NCKAP1L: variants seen among roughly 807,000 people sequenced by gnomAD.
NCKAP1L encodes NCK associated protein 1 like.
A neutral mutation model predicts 139.2 loss-of-function variants in NCKAP1L; 53 were observed. The observed-to-expected ratio is 0.38, with a 90% CI of 0.31 to 0.48. The LOEUF is 0.48. NCKAP1L is among the 20% of genes least tolerant of loss of function. NCKAP1L has a pLI of 0.98. For synonymous variants in NCKAP1L, 468 were observed against 499.7 expected, an observed-to-expected ratio of 0.94 and a Z score of 0.85; for missense variants, 1,151 against 1,381.9, an observed-to-expected ratio of 0.83 and a Z score of 2.65.
intron 28 of NCKAP1L, 79 bp from the exon 29 acceptor site, chr12:54,536,865 T>G (rs1197071753): frequency 2.2e-6 from 2 of 928,196 alleles, no homozygotes; most frequent in Non-Finnish European, 3.4e-6. Context: ...CATGAGAAAT[T>G]ACTAGTTTGG....
At chr12:54,531,458 C>T (rs1957070232) in intron 23 of NCKAP1L, 33 bp from the exon 24 acceptor site, 3 of 1,612,240 alleles carry the variant, frequency 1.9e-6, no homozygotes, top group Non-Finnish European at 2.5e-6. Flanking sequence ...CTCTTCTTTT[C>T]CTGCTTAATG....
chr12:54,528,411 C>A lies in NCKAP1L; in HGVS notation c.2506+34C>A, dbSNP rs1957043209. 3 of 1,605,494 alleles carry A rather than the reference C, an allele frequency of 1.9e-6. No homozygotes were observed. The East Asian group carries it at 6.7e-5, about 36-fold the overall frequency. The stretch of plus-strand genomic sequence containing the variant: ...AGGGCCTGGTCTTCTTGTCAAGGAG[C>A]TGAGCCCTTCCTTCAATGCACAGAG... On this transcript the variant is annotated intron_variant, in intron 22 of 30. Coordinates refer to ENST00000293373, the MANE Select transcript of NCKAP1L (RefSeq NM_005337.5).
In NCKAP1L at chr12:54,523,892, G is replaced by C. The variant is rs967446360; in HGVS notation, c.2092G>C (p.Val698Leu). 8 of 1,614,030 alleles carry C rather than the reference G, an allele frequency of 5.0e-6. No individual in the cohort carries two copies. Among genetic ancestry groups the C allele is most frequent in the Non-Finnish European group, 6.8e-6 (8 of 1,180,002 alleles). The change falls in exon 20 of 31, where the codon GTG becomes CTG. Residue 698 changes from valine to leucine, a missense_variant. Transcript: ENST00000293373. ...AATGAATCATGTATACAGTTTCTCC[G>C]TGTTTGAACATACTATCTTCCCTTC... is the stretch of plus-strand genomic sequence containing the variant. ...LTMNHVYSFSVFEHTIFPSEY... is the reference protein window; with the variant it reads ...LTMNHVYSFSLFEHTIFPSEY...
intron 22 of NCKAP1L, among the ~76,000 whole-genome samples, chr12:54,530,994 G>C (rs533042263): frequency 3.5e-4 from 54 of 152,308 alleles, no homozygotes; most frequent in African/African-American, 1.3e-3. Flanking sequence ...ACACGGGAAA[G>C]TATAGATTCT....
chr12:54,540,466 T>C (rs1359290212), intron 30 of NCKAP1L, among the ~76,000 whole-genome samples: 1 of 152,176 alleles, frequency 6.6e-6, no homozygotes, highest in Non-Finnish European at 1.5e-5. Flanking sequence ...TGGTGGGCTA[T>C]GTGGGGGCAC....
chr12:54,503,256 G>A (rs889076134), intron 3 of NCKAP1L, among the ~76,000 whole-genome samples: 1 of 151,740 alleles, frequency 6.6e-6, no homozygotes, highest in Non-Finnish European at 1.5e-5. Context: ...CTACATGGAT[G>A]ATATTTTATT....
chr12:54,497,984 T>A, intron 1 of NCKAP1L, 93 bp downstream of exon 1: 2 of 711,948 alleles, frequency 2.8e-6, no homozygotes, highest in Non-Finnish European at 5.0e-6. Context: ...GACTCCCACC[T>A]TTTTTTCCAC....
intron 3 of NCKAP1L, 104 bp from the exon 4 acceptor site, chr12:54,507,749 C>A: frequency 9.6e-7 from 1 of 1,040,256 alleles, no homozygotes; most frequent in Non-Finnish European, 1.5e-6. Context: ...TACTTGGTGG[C>A]TTTCTAGGAC....
rs375827879 is a variant in NCKAP1L at position 54,507,744 on chromosome 12, G to C, written c.307-109G>C. Reference sequence around the variant, plus strand: ...TCACAGTGACTTTTCTCTGTTACTTGGTGGCTTTCTAGGACCTCTAAGGGA... The same window carrying C: ...TCACAGTGACTTTTCTCTGTTACTTCGTGGCTTTCTAGGACCTCTAAGGGA... On this transcript the variant is annotated intron_variant, in intron 3 of 30. Coordinates refer to ENST00000293373, the MANE Select transcript of NCKAP1L (RefSeq NM_005337.5). 1.3e-5 allele frequency: 12 copies of C among 958,104 alleles called. 1 individual carries two copies. The East Asian group carries it at 2.6e-4, about 21-fold the overall frequency. The allele number at this position is 958,104 out of a possible 1,614,324, so 59.4% of individuals were successfully genotyped here.
At chr12:54,531,903 T>C in intron 25 of NCKAP1L, 78 bp downstream of exon 25, 2 of 1,241,524 alleles carry the variant, frequency 1.6e-6, no homozygotes, top group Non-Finnish European at 2.3e-6. Flanking sequence ...TTTGTGGAAG[T>C]ATTGCGGGAA....
At chr12:54,529,525 G>A (rs1957051598) in intron 22 of NCKAP1L, among the ~76,000 whole-genome samples, 1 of 152,124 alleles carries the variant, frequency 6.6e-6, no homozygotes, top group Admixed American at 6.6e-5. Flanking sequence ...TCTTCTTTGG[G>A]GGGTGCTAAG....
At chr12:54,537,922 A>G (rs12822067) in intron 29 of NCKAP1L, among the ~76,000 whole-genome samples, 36,513 of 152,018 alleles carry the variant, frequency 0.24, 5,207 homozygotes, top group African/African-American at 0.39. Context: ...ATGGATCTTA[A>G]TTTTGCCTCT....
chr12:54,536,858 G>T (rs1012014457), intron 28 of NCKAP1L, 86 bp from the exon 29 acceptor site: 4 of 875,828 alleles, frequency 4.6e-6, no homozygotes, highest in Non-Finnish European at 7.4e-6. Flanking sequence ...CTGAAAACAT[G>T]AGAAATTACT....
chr12:54,501,510 C>CTT (rs58845746), intron 3 of NCKAP1L, among the ~76,000 whole-genome samples: 305 of 148,494 alleles, frequency 2.1e-3, no homozygotes, highest in South Asian at 0.012. Context: ...CTATTATTAA[C>CTT]TTTTTTTTTT....
chr12:54,540,350 A>T (rs930150114), intron 30 of NCKAP1L, among the ~76,000 whole-genome samples: 3 of 152,108 alleles, frequency 2.0e-5, no homozygotes, highest in African/African-American at 7.2e-5. Context: ...GGATTATGAG[A>T]GAGAGGAGAA....
chr12:54,507,270 T>C (rs1317831338), intron 3 of NCKAP1L, among the ~76,000 whole-genome samples: 1 of 152,116 alleles, frequency 6.6e-6, no homozygotes, highest in Non-Finnish European at 1.5e-5. Flanking sequence ...GCAATAAAAG[T>C]GCATATTAAT....
intron 3 of NCKAP1L, among the ~76,000 whole-genome samples, chr12:54,506,792 A>ATATATAT (rs1555170876): frequency 1.9e-3 from 45 of 23,152 alleles, no homozygotes; most frequent in African/African-American, 0.012. Context: ...TATTAAAAAA[A>ATATATAT]AAAAATATAT....
intron 25 of NCKAP1L, 38 bp downstream of exon 25, chr12:54,531,863 A>T (rs976853605): frequency 6.8e-7 from 1 of 1,478,620 alleles, no homozygotes; most frequent in Non-Finnish European, 9.4e-7. Context: ...AGAGTCACAG[A>T]TACCTCTGTG....
At position 54,543,693 on chromosome 12, in the gene NCKAP1L, C is replaced by A. The variant is rs1039250669; in HGVS notation, c.*1008C>A. ...GGAGTACAAGCTGTTTCAACTTAGC[C>A]CTTTTCTGCGCTAATTAGAATTTCA... On this transcript the variant is annotated 3_prime_UTR_variant, in exon 31 of 31. Transcript: ENST00000293373. 6.6e-6 allele frequency: 1 copy of A among 152,166 alleles called. No homozygotes were observed. The highest frequency in any genetic ancestry group is 2.4e-5 in the African/African-American group (1 of 41,422). 9.4% of individuals were successfully genotyped at this position (152,166 alleles called of 1,614,324 possible). A position where few individuals can be genotyped will look rare whatever the true frequency, so the allele number is the denominator to read the frequency against.
Sources: allele counts gnomAD v4.1 joint callset (sites outside exome capture counted in the v4.1 genomes callset), GRCh38; gene constraint gnomAD v4.1.1; transcripts MANE v1.5; gene names NCBI Gene and HGNC (gene_info 2026-07-23, HGNC 2026-07-21).